Variants in SERPINE2 observed in about 807,000 individuals in gnomAD.
The protein encoded by SERPINE2 is serpin family E member 2.
SERPINE2 carries 14 observed loss-of-function variants against 36.3 expected under a neutral mutation model. The ratio of observed to expected loss-of-function variants is 0.39; its 90% CI spans 0.25 to 0.60. The LOEUF (loss-of-function observed/expected upper bound fraction) is 0.60. SERPINE2 is among the 20% of genes least tolerant of loss of function. The probability of loss-of-function intolerance (pLI) is 0.57; values close to 1 mark genes in which losing one functional copy is unlikely to be tolerated. For missense variants in SERPINE2, 418 were observed against 499.6 expected, an observed-to-expected ratio of 0.84 and a Z score of 1.56; for synonymous variants, 192 against 191.8, an observed-to-expected ratio of 1.00 and a Z score of -0.01.
At chr2:224,018,600 A>AAT (rs1553549273) in intron 1 of SERPINE2, among the ~76,000 whole-genome samples, 3 of 151,796 alleles carry the variant, frequency 2.0e-5, no homozygotes, top group Non-Finnish European at 4.4e-5. Flanking sequence ...CAAAAAAAAA[A>AAT]AATAATAATA....
intron 1 of SERPINE2, among the ~76,000 whole-genome samples, chr2:224,035,986 C>T (rs1275489932): frequency 1.0e-5 from 1 of 97,808 alleles, no homozygotes; most frequent in Admixed American, 1.2e-4. Context: ...ACGGTGGAAC[C>T]ACTGCCAAAA....
chr2:224,009,187 C>T (rs1691535725), intron 1 of SERPINE2, among the ~76,000 whole-genome samples: 1 of 152,062 alleles, frequency 6.6e-6, no homozygotes, highest in Non-Finnish European at 1.5e-5. Flanking sequence ...TCAGCCTCTC[C>T]CCTCCCCGCC....
intron 4 of SERPINE2, among the ~76,000 whole-genome samples, chr2:223,986,858 C>T (rs1414224877): frequency 6.6e-6 from 1 of 152,114 alleles, no homozygotes; most frequent in Non-Finnish European, 1.5e-5. Context: ...TTTCCCCCCA[C>T]TCCTTCTGCT....
intron 1 of SERPINE2, among the ~76,000 whole-genome samples, chr2:224,005,063 TA>T (rs1424524807): frequency 0.19 from 1,233 of 6,482 alleles, 33 homozygotes; most frequent in Middle Eastern, 0.41. Context: ...ATTTTATATA[TA>T]TTATATATAT....
chr2:224,037,655 C>T (rs1246488586), intron 1 of SERPINE2, among the ~76,000 whole-genome samples: 2 of 150,388 alleles, frequency 1.3e-5, no homozygotes, highest in African/African-American at 5.0e-5. Context: ...GCCAGGTCAC[C>T]ACCTCATTTC....
At chr2:224,029,761 A>G (rs1474043374) in intron 1 of SERPINE2, among the ~76,000 whole-genome samples, 1 of 152,240 alleles carries the variant, frequency 6.6e-6, no homozygotes, top group African/African-American at 2.4e-5. Context: ...GTGCAGTGGC[A>G]CAATTCTGCT....
At chr2:224,035,614 C>T (rs988543729) in intron 1 of SERPINE2, among the ~76,000 whole-genome samples, 2 of 152,162 alleles carry the variant, frequency 1.3e-5, no homozygotes, top group Non-Finnish European at 2.9e-5. Flanking sequence ...AGTGATCCGC[C>T]TGGTTCAGCC....
chr2:224,012,629 GCA>G (rs779400596), intron 1 of SERPINE2, among the ~76,000 whole-genome samples: 66 of 151,610 alleles, frequency 4.4e-4, no homozygotes, highest in Non-Finnish European at 8.0e-4. Flanking sequence ...TTATACACAG[GCA>G]CAAAAAAAGA....
chr2:224,038,066 G>A (rs558273779), intron 1 of SERPINE2, among the ~76,000 whole-genome samples: 9 of 152,112 alleles, frequency 5.9e-5, no homozygotes, highest in Admixed American at 1.3e-4. Context: ...TGTGGTTTAG[G>A]ATATACAAAT....
chr2:223,994,791 C>T (rs16865428), intron 3 of SERPINE2, among the ~76,000 whole-genome samples: 1,902 of 152,248 alleles, frequency 0.012, 36 homozygotes, highest in African/African-American at 0.043. Context: ...GAGTCCTTTG[C>T]TAAATGCTTT....
chr2:224,030,098 T>C, intron 1 of SERPINE2: 1 of 985,434 alleles, frequency 1.0e-6, no homozygotes, highest in Middle Eastern at 5.2e-4. Context: ...GGAAGACCTC[T>C]TGGTAACACT....
At chr2:223,993,867 A>C (rs748596057) in intron 3 of SERPINE2, among the ~76,000 whole-genome samples, 1 of 152,218 alleles carries the variant, frequency 6.6e-6, no homozygotes, top group Non-Finnish European at 1.5e-5. Context: ...TCTAAGCCAT[A>C]AACAGACATC....
At chr2:224,028,010 C>G (rs1350698859) in intron 1 of SERPINE2, among the ~76,000 whole-genome samples, 1 of 152,156 alleles carries the variant, frequency 6.6e-6, no homozygotes, top group Admixed American at 6.5e-5. Context: ...AGAGACGACA[C>G]AATAGAGAAA....
intron 6 of SERPINE2, 44 bp downstream of exon 6, chr2:223,982,637 A>G: frequency 8.4e-7 from 1 of 1,189,604 alleles, no homozygotes; most frequent in African/African-American, 1.5e-5. Context: ...CTCAGTTTGT[A>G]ACACTTTCTT....
At chr2:224,014,760 T>A (rs1691742012) in intron 1 of SERPINE2, among the ~76,000 whole-genome samples, 1 of 152,234 alleles carries the variant, frequency 6.6e-6, no homozygotes, top group Non-Finnish European at 1.5e-5. Flanking sequence ...TTTCCAAGGC[T>A]GCCGTGTAAA....
At chr2:224,022,822 G>A (rs1375228609) in intron 1 of SERPINE2, among the ~76,000 whole-genome samples, 1 of 152,176 alleles carries the variant, frequency 6.6e-6, no homozygotes, top group African/African-American at 2.4e-5. Context: ...TGTGCCAAGG[G>A]CAGGACCAGG....
Position 223,975,792 on chromosome 2 carries a change from A to G in SERPINE2, c.*75T>C. The G allele has an allele frequency of 8.1e-7, 1 of 1,229,622 alleles. No individual in the cohort carries two copies. The highest frequency in any genetic ancestry group is 2.4e-5 in the East Asian group (1 of 42,260). The allele number at this position is 1,229,622 out of a possible 1,614,324, so 76.2% of individuals were successfully genotyped here. A position where few individuals can be genotyped will look rare whatever the true frequency, so the allele number is the denominator to read the frequency against. On this transcript the variant is annotated 3_prime_UTR_variant, in exon 9 of 9. Transcript: ENST00000409304. ...ATGTACAAAAATATTTAACAGAACTATGAAAGATGCAGGAAAGGAGTCTTT... is the reference window on the plus strand; with the variant it reads ...ATGTACAAAAATATTTAACAGAACTGTGAAAGATGCAGGAAAGGAGTCTTT...
At chr2:223,995,656 C>T (rs914029961) in intron 3 of SERPINE2, among the ~76,000 whole-genome samples, 6 of 152,170 alleles carry the variant, frequency 3.9e-5, no homozygotes, top group Non-Finnish European at 7.3e-5. Context: ...TTCATGTATG[C>T]TGAATTTGCC....
intron 1 of SERPINE2, among the ~76,000 whole-genome samples, chr2:224,011,714 C>T (rs553976453): frequency 6.6e-6 from 1 of 152,270 alleles, no homozygotes; most frequent in African/African-American, 2.4e-5. Context: ...AATAATGTAT[C>T]TATCTATTGG....
Sources: allele counts gnomAD v4.1 joint callset (sites outside exome capture counted in the v4.1 genomes callset), GRCh38; gene constraint gnomAD v4.1.1; transcripts MANE v1.5; gene names NCBI Gene and HGNC (gene_info 2026-07-23, HGNC 2026-07-21).